The following RIPOR2 variants were observed in gnomAD, a reference collection of about 807,000 sequenced individuals.
The protein encoded by RIPOR2 is RHO family interacting cell polarization regulator 2.
RIPOR2 carries 39 observed loss-of-function variants against 114.5 expected under a neutral mutation model. The observed-to-expected ratio is 0.34, with a 90% confidence interval of 0.26 to 0.44. The LOEUF (loss-of-function observed/expected upper bound fraction) is 0.44. Among genes scored for constraint, RIPOR2 ranks in the 20% least tolerant of loss-of-function variants. RIPOR2 has a pLI of 1.00. For missense variants in RIPOR2, 1,007 were observed against 1,255.1 expected, an observed-to-expected ratio of 0.80 and a Z score of 2.99; for synonymous variants, 445 against 484.4, an observed-to-expected ratio of 0.92 and a Z score of 1.07.
chr6:24,846,786 T>C (rs1762339847), intron 12 of RIPOR2, among the ~76,000 whole-genome samples: 1 of 152,204 alleles, frequency 6.6e-6, no homozygotes, highest in South Asian at 2.1e-4. Context: ...TGACATAATG[T>C]ATAATATATA....
At chr6:24,852,091 C>T (rs995518631) in intron 9 of RIPOR2, among the ~76,000 whole-genome samples, 1 of 151,932 alleles carries the variant, frequency 6.6e-6, no homozygotes, top group South Asian at 2.1e-4. Context: ...GAAACCCCAT[C>T]TCTACTAAAA....
At chr6:24,886,595 G>T (rs1452020893) in intron 1 of RIPOR2, among the ~76,000 whole-genome samples, 1 of 152,076 alleles carries the variant, frequency 6.6e-6, no homozygotes, top group African/African-American at 2.4e-5. Context: ...CCTTACTTTG[G>T]GTTTGTTTGC....
chr6:24,908,224 C>T (rs995019347), intron 1 of RIPOR2, among the ~76,000 whole-genome samples: 2 of 152,176 alleles, frequency 1.3e-5, no homozygotes, highest in Non-Finnish European at 2.9e-5. Flanking sequence ...GTAAATAAAA[C>T]GGACTTTCAC....
chr6:24,930,185 C>A (rs1412415718), intron 1 of RIPOR2, among the ~76,000 whole-genome samples: 4 of 152,146 alleles, frequency 2.6e-5, no homozygotes, highest in African/African-American at 7.2e-5. Context: ...GGGAGTGCAA[C>A]CCTCCAGATT....
At chr6:25,021,341 G>GTCT (rs1776308270) in intron 1 of RIPOR2, among the ~76,000 whole-genome samples, 1 of 130,142 alleles carries the variant, frequency 7.7e-6, no homozygotes, top group South Asian at 2.5e-4. Flanking sequence ...CCAGCTCTAA[G>GTCT]AAGAAGGATG....
chr6:24,888,850 T>C (rs1767070553), intron 1 of RIPOR2, among the ~76,000 whole-genome samples: 1 of 152,254 alleles, frequency 6.6e-6, no homozygotes, highest in Non-Finnish European at 1.5e-5. Context: ...CTGGCAATTA[T>C]GTGATGGTAA....
intron 1 of RIPOR2, among the ~76,000 whole-genome samples, chr6:25,026,001 G>C (rs531683399): frequency 6.6e-6 from 1 of 151,660 alleles, no homozygotes; most frequent in Admixed American, 6.6e-5. Flanking sequence ...ACCAACAAAA[G>C]AAACTGAAGA....
At chr6:24,836,843 CTCTG>C (rs899697384) in intron 14 of RIPOR2, among the ~76,000 whole-genome samples, 2 of 152,096 alleles carry the variant, frequency 1.3e-5, no homozygotes, top group African/African-American at 4.8e-5. Context: ...CTCTCTCTCT[CTCTG>C]TCTCTCTCTC....
At chr6:24,822,095 G>A (rs771975979) in intron 19 of RIPOR2, among the ~76,000 whole-genome samples, 4 of 152,176 alleles carry the variant, frequency 2.6e-5, no homozygotes, top group Admixed American at 6.5e-5. Context: ...GTAGGATCCC[G>A]CCATTAAAAT....
At chr6:24,925,859 ACT>A (rs1008538898) in intron 1 of RIPOR2, among the ~76,000 whole-genome samples, 15 of 151,812 alleles carry the variant, frequency 9.9e-5, no homozygotes, top group African/African-American at 3.6e-4. Context: ...GATTCTATTC[ACT>A]CTTTCTCTGT....
intron 1 of RIPOR2, among the ~76,000 whole-genome samples, chr6:24,978,910 G>T (rs186961762): frequency 3.9e-5 from 6 of 152,296 alleles, no homozygotes; most frequent in Admixed American, 3.3e-4. Context: ...ATGTGAAAAG[G>T]TCCCAGAATG....
At chr6:24,895,208 A>G (rs563302751) in intron 1 of RIPOR2, among the ~76,000 whole-genome samples, 5 of 152,136 alleles carry the variant, frequency 3.3e-5, no homozygotes, top group African/African-American at 1.2e-4. Flanking sequence ...ACACCCCACC[A>G]TGCCCGGCTA....
intron 1 of RIPOR2, among the ~76,000 whole-genome samples, chr6:24,966,236 C>T (rs1366295085): frequency 1.3e-5 from 2 of 152,258 alleles, no homozygotes; most frequent in East Asian, 3.9e-4. Context: ...CATCAACCAG[C>T]ACATACATCA....
chr6:25,016,074 T>G (rs1775985679), intron 1 of RIPOR2, among the ~76,000 whole-genome samples: 1 of 151,724 alleles, frequency 6.6e-6, no homozygotes, highest in South Asian at 2.1e-4. Flanking sequence ...TAGCTAATTT[T>G]TTTGTATTTT....
intron 11 of RIPOR2, among the ~76,000 whole-genome samples, chr6:24,848,675 G>A (rs1048949202): frequency 5.3e-5 from 8 of 152,120 alleles, no homozygotes; most frequent in Admixed American, 3.9e-4. Flanking sequence ...CATGGCACCC[G>A]ATTCATCCAG....
At chr6:24,861,643 C>G (rs1199294717) in intron 7 of RIPOR2, among the ~76,000 whole-genome samples, 2 of 152,180 alleles carry the variant, frequency 1.3e-5, no homozygotes, top group Non-Finnish European at 2.9e-5. Context: ...TGTGCATACA[C>G]ACTTCAAAAC....
chr6:24,995,195 G>T (rs1774994090), intron 1 of RIPOR2, among the ~76,000 whole-genome samples: 1 of 152,224 alleles, frequency 6.6e-6, no homozygotes, highest in Non-Finnish European at 1.5e-5. Context: ...CCCTGGCTCT[G>T]CTGTTTGCTT....
intron 14 of RIPOR2, 53 bp downstream of exon 14, chr6:24,839,038 A>G: frequency 2.1e-6 from 3 of 1,419,208 alleles, no homozygotes; most frequent in Non-Finnish European, 2.9e-6. Context: ...ACAAAGAACT[A>G]CTGTATCAGC....
At chr6:24,988,212 CAG>C (rs1774622008) in intron 1 of RIPOR2, among the ~76,000 whole-genome samples, 1 of 152,072 alleles carries the variant, frequency 6.6e-6, no homozygotes, top group African/African-American at 2.4e-5. Context: ...TTTTTTGAGA[CAG>C]AGTCTCTCTC....
Sources: gnomAD v4.1 joint callset for allele counts (sites outside exome capture counted in the v4.1 genomes callset) on GRCh38, gnomAD v4.1.1 for gene constraint, MANE v1.5 for transcripts, NCBI Gene and HGNC (gene_info 2026-07-23, HGNC 2026-07-21) for gene names.